The following SCAF8 variants were observed in gnomAD, a reference collection of about 807,000 sequenced individuals.
SCAF8 encodes SR-related CTD associated factor 8.
Under a neutral mutation model 140.5 loss-of-function variants are expected in SCAF8, and 23 were observed. The ratio of observed to expected loss-of-function variants is 0.16; its 90% CI spans 0.12 to 0.23. SCAF8 has a LOEUF of 0.23. Among genes scored for constraint, SCAF8 ranks in the 10% least tolerant of loss-of-function variants. SCAF8 has a pLI of 1.00. For missense variants in SCAF8, 1,397 were observed against 1,555.7 expected, an observed-to-expected ratio of 0.90 and a Z score of 1.72; for synonymous variants, 575 against 528.9, an observed-to-expected ratio of 1.09 and a Z score of -1.20.
Position 154,832,500 on chromosome 6 carries a change from A to T in SCAF8, c.2921A>T (p.Asp974Val), listed in dbSNP as rs776331941. The T allele has an allele frequency of 6.2e-7, 1 of 1,613,786 alleles. No homozygotes were observed. The highest frequency in any genetic ancestry group is 1.1e-5 in the South Asian group (1 of 91,028). The change falls in exon 20 of 20, where the codon GAT becomes GTT. Residue 974 changes from aspartate (D) to valine (V), a missense_variant. Physicochemically the swap from Asp to Val is radical, Grantham distance 152. Coordinates refer to ENST00000367178, the MANE Select transcript of SCAF8 (RefSeq NM_014892.5). ...PPPRGPFPPGDIFSQPERPFL... is the reference protein window; with the variant it reads ...PPPRGPFPPGVIFSQPERPFL... Reference sequence around the variant, plus strand: ...CCCCGTGGACCTTTTCCTCCAGGAGATATTTTTAGTCAACCAGAAAGACCT... The same window carrying T: ...CCCCGTGGACCTTTTCCTCCAGGAGTTATTTTTAGTCAACCAGAAAGACCT...
At chr6:154,774,513 A>AACACTGTCTTTTGCC (rs554548039) in intron 2 of SCAF8, among the ~76,000 whole-genome samples, 2 of 152,214 alleles carry the variant, frequency 1.3e-5, no homozygotes, top group Non-Finnish European at 2.9e-5. Context: ...GAATGTGTTT[A>AACACTGTCTTTTGCC]ACACTGTCTT....
chr6:154,737,362 T>C lies in SCAF8; in HGVS notation c.30+3432T>C, dbSNP rs1156250293. Among the ~76,000 whole-genome samples, 5 of 152,218 alleles carry C rather than the reference T, an allele frequency of 3.3e-5. No individual in the cohort carries two copies. In the East Asian group the frequency reaches 9.6e-4, roughly 29 times the overall value. ...ATCAGGAACGTTTGTCAACAAGATA[T>C]TTTGATACTTCACCTTAAAATATTT... is the stretch of plus-strand genomic sequence containing the variant. On this transcript the variant is annotated intron_variant, in intron 1 of 19. Coordinates refer to ENST00000367178, the MANE Select transcript of SCAF8 (RefSeq NM_014892.5).
At position 154,830,938 on chromosome 6, in the gene SCAF8, A is replaced by G. The variant is rs1374545672; in HGVS notation, c.2157A>G (p.Ser719=). ...TTTAAACAGCTTTAGTGCAGCCGTC[A>G]TTATCCATGACACCGGAAACTGTGA... The part of the protein sequence containing the change: ...PVVPTSLVQP[S]LSMTPETVKD... The change falls in exon 19 of 20, where the codon TCA becomes TCG. Residue 719 remains serine, a synonymous_variant. Transcript: ENST00000367178. 2 of 1,614,044 alleles carry G rather than the reference A, an allele frequency of 1.2e-6. No individual in the cohort carries two copies. The highest frequency in any genetic ancestry group is 1.3e-5 in the African/African-American group (1 of 75,064).
chr6:154,758,481 G>A (rs1370438822), intron 1 of SCAF8, among the ~76,000 whole-genome samples: 2 of 152,106 alleles, frequency 1.3e-5, no homozygotes, highest in African/African-American at 4.8e-5. Flanking sequence ...CCTTTGCTGT[G>A]CTTCTTTGGG....
chr6:154,794,763 G>T (rs984377570), intron 5 of SCAF8, among the ~76,000 whole-genome samples: 1 of 85,748 alleles, frequency 1.2e-5, no homozygotes, highest in East Asian at 4.5e-4. Flanking sequence ...TTTTGGTGGG[G>T]GGGGGGGGGT....
intron 13 of SCAF8, among the ~76,000 whole-genome samples, chr6:154,817,106 C>G (rs941218809): frequency 6.6e-6 from 1 of 151,428 alleles, no homozygotes; most frequent in Non-Finnish European, 1.5e-5. Context: ...AAGTTTCTTT[C>G]TGATTTACCC....
intron 15 of SCAF8, among the ~76,000 whole-genome samples, chr6:154,820,749 A>G (rs946795280): frequency 2.6e-5 from 4 of 152,200 alleles, no homozygotes; most frequent in African/African-American, 9.7e-5. Context: ...TAGGGAGTTC[A>G]GATGCATACA....
At chr6:154,817,443 G>C (rs565478502) in intron 13 of SCAF8, among the ~76,000 whole-genome samples, 160 of 152,202 alleles carry the variant, frequency 1.1e-3, no homozygotes, top group African/African-American at 3.7e-3. Context: ...AAGTTATTTT[G>C]TGAAATGAAG....
Position 154,809,143 on chromosome 6 carries a change from A to G in SCAF8, c.1226+345A>G, listed in dbSNP as rs567627593. Among the ~76,000 whole-genome samples, 9 of 152,310 alleles carry G rather than the reference A, an allele frequency of 5.9e-5. No homozygotes were observed. In the East Asian group the frequency reaches 1.2e-3, roughly 20 times the overall value. On this transcript the variant is annotated intron_variant, in intron 11 of 19. Transcript: ENST00000367178. The stretch of plus-strand genomic sequence containing the variant: ...ATATTTCCTGGATTCCACTCATCTC[A>G]CAGTGATACCAAAAATGGTTATAAA...
chr6:154,738,083 G>C (rs995438680), intron 1 of SCAF8, among the ~76,000 whole-genome samples: 3 of 151,744 alleles, frequency 2.0e-5, no homozygotes, highest in Non-Finnish European at 4.4e-5. Flanking sequence ...TACTTGGGAG[G>C]CTGAGGTGGG....
Position 154,824,473 on chromosome 6 carries a change from A to G in SCAF8, c.2071+95A>G, listed in dbSNP as rs1240766108. 6.1e-6 allele frequency: 7 copies of G among 1,148,480 alleles called. No homozygotes were observed. In the East Asian group the frequency reaches 1.4e-4, roughly 23 times the overall value. The allele number at this position is 1,148,480 out of a possible 1,614,324, so 71.1% of individuals were successfully genotyped here. A position where few individuals can be genotyped will look rare whatever the true frequency, so the allele number is the denominator to read the frequency against. On this transcript the variant is annotated intron_variant, in intron 17 of 19. Coordinates refer to ENST00000367178, the MANE Select transcript of SCAF8 (RefSeq NM_014892.5). ...TAAGTACCATAGAGCAGTGGTTCTGAGACCTTAGCATGCATAGCCTTGTTA... is the reference window on the plus strand; with the variant it reads ...TAAGTACCATAGAGCAGTGGTTCTGGGACCTTAGCATGCATAGCCTTGTTA...
rs1028412174 is a variant in SCAF8, at chr6:154,807,122, G to GTCTC, written c.982-942_982-939dup. 9.2e-5 allele frequency among the ~76,000 whole-genome samples: 14 copies of GTCTC among 152,170 alleles called. No individual in the cohort carries two copies. The East Asian group carries it at 2.7e-3, about 29-fold the overall frequency. The stretch of plus-strand genomic sequence containing the variant: ...ATCGTAGTACTTTATGTTTTTAATG[G>GTCTC]TCTCTCTCTTAGCAGAATCAAGTAG... On this transcript the variant is annotated intron_variant, in intron 9 of 19. Coordinates refer to ENST00000367178, the MANE Select transcript of SCAF8 (RefSeq NM_014892.5).
intron 3 of SCAF8, among the ~76,000 whole-genome samples, chr6:154,781,905 G>GAGAA (rs745573702): frequency 2.6e-5 from 4 of 152,158 alleles, no homozygotes; most frequent in Non-Finnish European, 5.9e-5. Flanking sequence ...TTGTGTGAGG[G>GAGAA]AGAAGTGTGG....
intron 8 of SCAF8, among the ~76,000 whole-genome samples, chr6:154,804,981 CTG>C (rs1264152000): frequency 5.9e-5 from 9 of 152,084 alleles, no homozygotes; most frequent in African/African-American, 1.2e-4. Context: ...GATTGATAGA[CTG>C]TTTTTCTATC....
intron 2 of SCAF8, among the ~76,000 whole-genome samples, chr6:154,775,616 TCTAA>T (rs1443552771): frequency 1.3e-5 from 2 of 151,956 alleles, no homozygotes; most frequent in Admixed American, 1.3e-4. Context: ...CAGTCAAGAG[TCTAA>T]CTCTTTGGAC....
intron 18 of SCAF8, among the ~76,000 whole-genome samples, chr6:154,830,574 T>G (rs1223880930): frequency 6.6e-6 from 1 of 152,220 alleles, no homozygotes; most frequent in African/African-American, 2.4e-5. Context: ...ACTCATACAT[T>G]TCAGTCTGCA....
chr6:154,741,397 T>A lies in SCAF8; in HGVS notation c.30+7467T>A, dbSNP rs577398428. Among the ~76,000 whole-genome samples the A allele has an allele frequency of 5.8e-4, 88 of 152,186 alleles. 1 individual carries two copies. The highest frequency in any genetic ancestry group is 2.1e-3 in the African/African-American group (87 of 41,536). On this transcript the variant is annotated intron_variant, in intron 1 of 19. Coordinates refer to ENST00000367178, the MANE Select transcript of SCAF8 (RefSeq NM_014892.5). ...GCCCCAGTGTCCCAAAGAGTCATAT[T>A]CTATGATCATTTGCTTCTTTTTTTT... is the stretch of plus-strand genomic sequence containing the variant.
intron 2 of SCAF8, among the ~76,000 whole-genome samples, chr6:154,776,471 A>G (rs962736803): frequency 2.0e-5 from 3 of 152,192 alleles, no homozygotes; most frequent in African/African-American, 4.8e-5. Context: ...AAGAAGGCCT[A>G]TGAGAATTAA....
chr6:154,758,138 C>T (rs957183313), intron 1 of SCAF8, among the ~76,000 whole-genome samples: 1 of 152,064 alleles, frequency 6.6e-6, no homozygotes, highest in Non-Finnish European at 1.5e-5. Flanking sequence ...TCTTGTAATC[C>T]TGGTCTCAAG....
Sources: gnomAD v4.1 joint callset for allele counts (sites outside exome capture counted in the v4.1 genomes callset) on GRCh38, gnomAD v4.1.1 for gene constraint, MANE v1.5 for transcripts, NCBI Gene and HGNC (gene_info 2026-07-23, HGNC 2026-07-21) for gene names.